Variants in SLC25A26 observed in about 807,000 individuals in gnomAD.
SLC25A26 encodes solute carrier family 25 member 26, also known as mitochondrial S-adenosylmethionine carrier protein.
A neutral mutation model predicts 37.8 loss-of-function variants in SLC25A26; 36 were observed. The observed-to-expected ratio is 0.95, with a 90% CI of 0.73 to 1.26. The LOEUF is 1.26. SLC25A26 is among the 50% of genes most tolerant of loss of function. The probability of loss-of-function intolerance (pLI) is 0.00; values close to 1 mark genes in which losing one functional copy is unlikely to be tolerated. For synonymous variants in SLC25A26, 129 were observed against 122.5 expected, an observed-to-expected ratio of 1.05 and a Z score of -0.35; for missense variants, 390 against 331.1, an observed-to-expected ratio of 1.18 and a Z score of -1.38.
intron 1 of SLC25A26, among the ~76,000 whole-genome samples, chr3:66,182,639 G>A (rs1352134610): frequency 6.8e-6 from 1 of 146,658 alleles, no homozygotes; most frequent in Non-Finnish European, 1.5e-5. Context: ...GGCAACAAGA[G>A]AAGTCGCTGG....
At chr3:66,282,166 C>T (rs1197561302) in intron 5 of SLC25A26, among the ~76,000 whole-genome samples, 26 of 151,962 alleles carry the variant, frequency 1.7e-4, no homozygotes, top group Admixed American at 9.8e-4. Context: ...CGCCTGCCAC[C>T]GCGCCCGGCT....
intron 2 of SLC25A26, among the ~76,000 whole-genome samples, chr3:66,241,792 T>A (rs2072597332): frequency 6.6e-6 from 1 of 152,082 alleles, no homozygotes; most frequent in Non-Finnish European, 1.5e-5. Context: ...TGTAAACCTA[T>A]GCTGCAGGAG....
At chr3:66,168,026 G>A (rs1046935234) in intron 1 of SLC25A26, among the ~76,000 whole-genome samples, 3 of 151,760 alleles carry the variant, frequency 2.0e-5, no homozygotes, top group Admixed American at 1.3e-4. Flanking sequence ...GGTGGCACAT[G>A]CCTGTAATCC....
At chr3:66,308,610 C>A (rs1258430661) in intron 5 of SLC25A26, among the ~76,000 whole-genome samples, 1 of 152,122 alleles carries the variant, frequency 6.6e-6, no homozygotes, top group Non-Finnish European at 1.5e-5. Flanking sequence ...CTAGCTTTTC[C>A]CCATTGAGTA....
chr3:66,310,998 A>C (rs1576850378), intron 5 of SLC25A26, among the ~76,000 whole-genome samples: 1 of 152,024 alleles, frequency 6.6e-6, no homozygotes, highest in Non-Finnish European at 1.5e-5. Flanking sequence ...GGAGTATCTT[A>C]GTGGTGCTCT....
chr3:66,240,307 T>C (rs1032277266), intron 2 of SLC25A26, among the ~76,000 whole-genome samples: 1 of 152,148 alleles, frequency 6.6e-6, no homozygotes, highest in African/African-American at 2.4e-5. Context: ...TTTTTCCCCC[T>C]GAGACCAGGT....
At chr3:66,300,732 T>C (rs979442074) in intron 5 of SLC25A26, among the ~76,000 whole-genome samples, 1 of 152,212 alleles carries the variant, frequency 6.6e-6, no homozygotes, top group African/African-American at 2.4e-5. Context: ...GAAGGAAATA[T>C]AAATATTTTA....
At chr3:66,259,199 C>A (rs1478191034) in intron 3 of SLC25A26, among the ~76,000 whole-genome samples, 3 of 152,314 alleles carry the variant, frequency 2.0e-5, no homozygotes, top group South Asian at 2.1e-4. Context: ...ACATTATGTA[C>A]CGCCTTCCAG....
At chr3:66,260,658 C>T (rs1023533809) in intron 3 of SLC25A26, among the ~76,000 whole-genome samples, 5 of 152,156 alleles carry the variant, frequency 3.3e-5, no homozygotes, top group African/African-American at 9.7e-5. Context: ...ATGGGGTGCT[C>T]GGGCTTATAT....
intron 2 of SLC25A26, among the ~76,000 whole-genome samples, chr3:66,239,948 A>G (rs1436302882): frequency 6.7e-6 from 1 of 149,996 alleles, no homozygotes; most frequent in Non-Finnish European, 1.5e-5. Context: ...TTGTAATGTC[A>G]TGACTCCTTT....
At chr3:66,154,271 C>T (rs114609625) in intron 1 of SLC25A26, among the ~76,000 whole-genome samples, 116 of 152,280 alleles carry the variant, frequency 7.6e-4, no homozygotes, top group Non-Finnish European at 1.2e-3. Flanking sequence ...GTAGCTTCAG[C>T]AGAGGGAGCT....
intron 1 of SLC25A26, among the ~76,000 whole-genome samples, chr3:66,225,689 A>C (rs1322382966): frequency 6.6e-6 from 1 of 152,170 alleles, no homozygotes; most frequent in African/African-American, 2.4e-5. Context: ...TCAGGCTGCA[A>C]ATTTTCCAAA....
At chr3:66,227,867 T>C (rs1452105725) in intron 1 of SLC25A26, among the ~76,000 whole-genome samples, 1 of 152,206 alleles carries the variant, frequency 6.6e-6, no homozygotes, top group Non-Finnish European at 1.5e-5. Context: ...GTAATACGAA[T>C]GAAGTATTGG....
chr3:66,347,778 G>A (rs894609165), intron 6 of SLC25A26, among the ~76,000 whole-genome samples: 4 of 152,158 alleles, frequency 2.6e-5, no homozygotes, highest in Non-Finnish European at 5.9e-5. Context: ...TACACACCAC[G>A]GAATACTATG....
intron 6 of SLC25A26, among the ~76,000 whole-genome samples, chr3:66,352,280 AAAAT>A (rs2076470701): frequency 6.6e-6 from 1 of 152,104 alleles, no homozygotes; most frequent in African/African-American, 2.4e-5. Flanking sequence ...CGTTAAAAGA[AAAAT>A]AAACCCAGAG....
intron 5 of SLC25A26, among the ~76,000 whole-genome samples, chr3:66,294,051 G>C (rs562067229): frequency 6.6e-6 from 1 of 151,748 alleles, no homozygotes; most frequent in African/African-American, 2.4e-5. Context: ...TTCTAGTTCC[G>C]TGAAGAATGT....
At chr3:66,292,006 A>AG (rs903688285) in intron 5 of SLC25A26, among the ~76,000 whole-genome samples, 8 of 150,464 alleles carry the variant, frequency 5.3e-5, no homozygotes, top group Admixed American at 3.9e-4. Context: ...ATATGTATTT[A>AG]GGATAGTTAG....
At chr3:66,157,075 A>G (rs2070293793) in intron 1 of SLC25A26, among the ~76,000 whole-genome samples, 1 of 152,064 alleles carries the variant, frequency 6.6e-6, no homozygotes, top group Admixed American at 6.6e-5. Flanking sequence ...TCCACAAAAA[A>G]TAAATAAAAA....
intron 3 of SLC25A26, among the ~76,000 whole-genome samples, chr3:66,247,351 C>G (rs1021481039): frequency 3.9e-5 from 6 of 152,048 alleles, no homozygotes; most frequent in African/African-American, 1.2e-4. Flanking sequence ...CTCTGTCAAC[C>G]AGGCTGAAGA....
Sources: allele counts gnomAD v4.1 joint callset (sites outside exome capture counted in the v4.1 genomes callset), GRCh38; gene constraint gnomAD v4.1.1; transcripts MANE v1.5; gene names NCBI Gene and HGNC (gene_info 2026-07-23, HGNC 2026-07-21).